TLK2: variants seen among roughly 807,000 people sequenced by gnomAD.
The protein encoded by TLK2 is tousled like kinase 2, also known as serine/threonine-protein kinase tousled-like 2.
A neutral mutation model predicts 117.3 loss-of-function variants in TLK2; 6 were observed. The observed-to-expected ratio is 0.05, with a 90% confidence interval of 0.03 to 0.10. TLK2 has a LOEUF of 0.10. TLK2 is among the 10% of genes least tolerant of loss of function. The probability of loss-of-function intolerance (pLI) is 1.00; values close to 1 mark genes in which losing one functional copy is unlikely to be tolerated. For missense variants in TLK2, 299 were observed against 901.2 expected (o/e 0.33, Z 8.56); for synonymous variants, 257 against 316.7 (o/e 0.81, Z 2.00).
At chr17:62,478,676 C>CAGGGGGGGT (rs2071211430), upstream of TLK2, among the ~76,000 whole-genome samples, 1 of 111,414 alleles carries the variant, frequency 9.0e-6, no homozygotes, top group South Asian at 3.5e-4. Context: ...GGCGCCGGGG[C>CAGGGGGGGT]AGCGGGGACC....
chr17:62,501,491 G>A (rs1477714152), intron 2 of TLK2, among the ~76,000 whole-genome samples: 2 of 152,098 alleles, frequency 1.3e-5, no homozygotes, highest in African/African-American at 4.8e-5. Flanking sequence ...CCAGCACTGT[G>A]TTTGGCCAAG....
chr17:62,600,722 C>T lies in TLK2; in HGVS notation c.1622C>T (p.Ser541Leu), dbSNP rs1400368377. ...DFYLKQHKLM[S>L]EKEARSIIMQ... ...TACCTGAAACAGCACAAATTAATGTCGGAGAAAGAGGCCCGGTCCATTATC... is the reference window on the plus strand; with the variant it reads ...TACCTGAAACAGCACAAATTAATGTTGGAGAAAGAGGCCCGGTCCATTATC... Residue 541 changes from serine (S) to leucine (L), a missense_variant, in exon 18 of 22, where the codon TCG (serine) becomes TTG (leucine). Around this residue, in one of 4 missense-constraint regions of TLK2, gnomAD observed 81 missense variants for 370.9 expected, o/e 0.22. Coordinates refer to ENST00000346027, the MANE Select transcript of TLK2 (RefSeq NM_006852.6). The T allele has an allele frequency of 4.3e-6, 7 of 1,612,904 alleles. No individual in the cohort carries two copies. Among genetic ancestry groups the T allele is most frequent in the South Asian group, 1.1e-5 (1 of 91,004 alleles).
At chr17:62,535,251 ATCTT>A (rs1477542808) in intron 6 of TLK2, among the ~76,000 whole-genome samples, 2 of 152,114 alleles carry the variant, frequency 1.3e-5, no homozygotes, top group Non-Finnish European at 2.9e-5. Context: ...AACAGGAAGA[ATCTT>A]AATTTATCCC....
chr17:62,500,214 T>A (rs1446282803), intron 2 of TLK2, among the ~76,000 whole-genome samples: 2 of 151,834 alleles, frequency 1.3e-5, no homozygotes, highest in Non-Finnish European at 2.9e-5. Context: ...AGACTACAAG[T>A]GTGTACTACC....
chr17:62,478,528 C>T (rs1369906594), upstream of TLK2, among the ~76,000 whole-genome samples: 1 of 149,988 alleles, frequency 6.7e-6, no homozygotes, highest in African/African-American at 2.4e-5. Flanking sequence ...GCCGGACCTC[C>T]CCTCGCGTTG....
upstream of TLK2, among the ~76,000 whole-genome samples, chr17:62,475,129 A>G (rs1019978083): frequency 6.6e-5 from 10 of 152,196 alleles, no homozygotes; most frequent in African/African-American, 2.4e-4. Flanking sequence ...AAGAGAGGAA[A>G]TAACTGGCTA....
At chr17:62,485,301 T>C (rs2072207129) in intron 2 of TLK2, among the ~76,000 whole-genome samples, 1 of 152,184 alleles carries the variant, frequency 6.6e-6, no homozygotes, top group Non-Finnish European at 1.5e-5. Flanking sequence ...ACAAGAGTGT[T>C]ACAAGTAGCT....
intron 7 of TLK2, among the ~76,000 whole-genome samples, chr17:62,548,240 A>ATATG (rs368516607): frequency 0.021 from 2,575 of 121,242 alleles, 110 homozygotes; most frequent in African/African-American, 0.077. Context: ...ATATATATAT[A>ATATG]TGTGTGTGTG....
At chr17:62,502,058 A>G (rs1201877199) in intron 2 of TLK2, among the ~76,000 whole-genome samples, 2 of 132,194 alleles carry the variant, frequency 1.5e-5, no homozygotes, top group Admixed American at 1.6e-4. Context: ...CAAATTTCAC[A>G]AGACATTTAT....
intron 11 of TLK2, among the ~76,000 whole-genome samples, chr17:62,568,096 C>A (rs1254616629): frequency 6.6e-6 from 1 of 152,042 alleles, no homozygotes; most frequent in Non-Finnish European, 1.5e-5. Flanking sequence ...AATAAAAATT[C>A]TTTACTAAGA....
chr17:62,571,685 A>C (rs2080304043), intron 11 of TLK2, among the ~76,000 whole-genome samples: 1 of 152,156 alleles, frequency 6.6e-6, no homozygotes, highest in Admixed American at 6.5e-5. Flanking sequence ...TGATTAGGTT[A>C]ATTTTGCATA....
intron 2 of TLK2, among the ~76,000 whole-genome samples, chr17:62,483,442 G>A (rs2071936496): frequency 6.6e-6 from 1 of 152,160 alleles, no homozygotes; most frequent in African/African-American, 2.4e-5. Flanking sequence ...TGTTTAATAG[G>A]AAATTCTACC....
chr17:62,572,567 T>C (rs1013209251), intron 11 of TLK2, among the ~76,000 whole-genome samples: 2 of 152,252 alleles, frequency 1.3e-5, no homozygotes, highest in Non-Finnish European at 2.9e-5. Flanking sequence ...TAATTCATTT[T>C]GTATACTATT....
intron 7 of TLK2, among the ~76,000 whole-genome samples, chr17:62,539,237 A>G (rs2145895068): frequency 6.6e-6 from 1 of 152,328 alleles, no homozygotes; most frequent in South Asian, 2.1e-4. Flanking sequence ...GTTGCAAAAA[A>G]TCTGGAAGCA....
chr17:62,471,436 A>C (rs145007669), intron 1 of TLK2, among the ~76,000 whole-genome samples: 181 of 152,300 alleles, frequency 1.2e-3, no homozygotes, highest in African/African-American at 4.2e-3. Context: ...TTGAATGCTC[A>C]ATCTAATTAA....
intron 2 of TLK2, among the ~76,000 whole-genome samples, chr17:62,496,133 T>TA (rs746589587): frequency 6.6e-6 from 1 of 152,216 alleles, no homozygotes; most frequent in South Asian, 2.1e-4. Context: ...TGCAAATACT[T>TA]ATGTATATTC....
intron 2 of TLK2, among the ~76,000 whole-genome samples, chr17:62,504,190 T>C (rs1177863526): frequency 6.6e-6 from 1 of 152,222 alleles, no homozygotes; most frequent in Non-Finnish European, 1.5e-5. Flanking sequence ...GACTCCCATA[T>C]AGGGGAAAAG....
intron 12 of TLK2, among the ~76,000 whole-genome samples, chr17:62,574,668 A>G (rs2080625051): frequency 6.6e-6 from 1 of 152,094 alleles, no homozygotes. Flanking sequence ...GGCGTGCACC[A>G]CCATGCCCAG....
chr17:62,478,273 C>T (rs926323801), upstream of TLK2, among the ~76,000 whole-genome samples: 26 of 151,748 alleles, frequency 1.7e-4, no homozygotes, highest in Admixed American at 1.7e-3. Context: ...AAACTCCATC[C>T]CTGGGAAAAG....
Sources: gnomAD v4.1 joint callset for allele counts (sites outside exome capture counted in the v4.1 genomes callset) on GRCh38, gnomAD v4.1.1 for gene constraint, gnomAD v4.1.1 regional missense constraint, MANE v1.5 for transcripts, NCBI Gene and HGNC (gene_info 2026-07-23, HGNC 2026-07-21) for gene names.